MTSS1: variants seen among roughly 807,000 people sequenced by gnomAD.
The protein encoded by MTSS1 is protein MTSS 1.
A neutral mutation model predicts 79.0 loss-of-function variants in MTSS1; 18 were observed. The ratio of observed to expected loss-of-function variants is 0.23; its 90% CI spans 0.16 to 0.34. MTSS1 has a LOEUF of 0.34. MTSS1 is among the 10% of genes least tolerant of loss of function. MTSS1 has a pLI of 1.00. For missense variants in MTSS1, 815 were observed against 986.2 expected (o/e 0.83, Z 2.33); for synonymous variants, 341 against 368.6 (o/e 0.93, Z 0.86).
At chr8:124,624,587 CA>C (rs1164135926) in intron 3 of MTSS1, among the ~76,000 whole-genome samples, 2 of 152,168 alleles carry the variant, frequency 1.3e-5, no homozygotes, top group Non-Finnish European at 2.9e-5. Flanking sequence ...CAGGTACCTC[CA>C]CCTGGGAGTC....
intron 3 of MTSS1, among the ~76,000 whole-genome samples, chr8:124,688,805 G>A (rs1382383932): frequency 3.3e-5 from 5 of 152,060 alleles, no homozygotes; most frequent in African/African-American, 4.8e-5. Flanking sequence ...GGGAAATCAC[G>A]CAATAGAAAA....
At chr8:124,625,640 C>T (rs1355356802) in intron 3 of MTSS1, among the ~76,000 whole-genome samples, 1 of 152,194 alleles carries the variant, frequency 6.6e-6, no homozygotes, top group African/African-American at 2.4e-5. Context: ...GAGAGAAGGC[C>T]AGTTAAGGCA....
chr8:124,717,669 C>A (rs189306133), intron 1 of MTSS1, among the ~76,000 whole-genome samples: 7 of 152,278 alleles, frequency 4.6e-5, no homozygotes, highest in African/African-American at 1.4e-4. Flanking sequence ...ATACTCCGGT[C>A]TGGGGGACAG....
intron 5 of MTSS1, 55 bp from the exon 6 acceptor site, chr8:124,585,216 G>T: frequency 7.5e-7 from 1 of 1,324,772 alleles, no homozygotes; most frequent in Non-Finnish European, 1.1e-6. Flanking sequence ...CAGAAAATAT[G>T]TTAGGTAGGA....
intron 3 of MTSS1, among the ~76,000 whole-genome samples, chr8:124,630,155 C>T (rs1048182727): frequency 6.6e-6 from 1 of 152,224 alleles, no homozygotes. Context: ...CCTCTACCTC[C>T]CCTGGAAGAG....
chr8:124,679,294 G>A (rs956110700), intron 3 of MTSS1, among the ~76,000 whole-genome samples: 1 of 152,202 alleles, frequency 6.6e-6, no homozygotes, highest in African/African-American at 2.4e-5. Flanking sequence ...ACACTGTAGT[G>A]GCTGCTTAGC....
intron 4 of MTSS1, among the ~76,000 whole-genome samples, chr8:124,590,065 C>T (rs1831579170): frequency 1.3e-5 from 2 of 152,184 alleles, no homozygotes; most frequent in African/African-American, 4.8e-5. Context: ...CCATGTTGGC[C>T]AGGATGGTCT....
At chr8:124,560,989 T>G (rs1160738212) in intron 10 of MTSS1, among the ~76,000 whole-genome samples, 1 of 152,252 alleles carries the variant, frequency 6.6e-6, no homozygotes, top group East Asian at 1.9e-4. Context: ...GGGAGGTTAC[T>G]GCCTTCAGGA....
intron 3 of MTSS1, among the ~76,000 whole-genome samples, chr8:124,621,714 A>G (rs763319482): frequency 6.6e-6 from 1 of 151,976 alleles, no homozygotes; most frequent in Non-Finnish European, 1.5e-5. Flanking sequence ...ACACCTAGCT[A>G]GTTTTTGTAT....
At chr8:124,610,552 C>T (rs1835619815) in intron 3 of MTSS1, among the ~76,000 whole-genome samples, 1 of 152,194 alleles carries the variant, frequency 6.6e-6, no homozygotes. Flanking sequence ...CTAGGAGAAT[C>T]TAAAAGCTGC....
Position 124,553,107 on chromosome 8 carries a change from G to A in MTSS1, c.2153C>T (p.Ala718Val), listed in dbSNP as rs1466326708. The A allele has an allele frequency of 6.2e-6, 10 of 1,614,004 alleles. No individual in the cohort carries two copies. Among genetic ancestry groups the A allele is most frequent in the Non-Finnish European group, 8.5e-6 (10 of 1,180,022 alleles). ...SPGQIPESDP[A>V]DLSPRDTPQG... ...TGGAGTATCCCTTGGGCTCAGGTCT[G>A]CAGGGTCACTCTCTGGAATCTGGCC... is the stretch of plus-strand genomic sequence containing the variant. The change falls in exon 14 of 14, where the codon GCA becomes GTA. Residue 718 changes from alanine (A) to valine (V), a missense_variant. This residue lies in a region of MTSS1 where 590 missense variants were observed against 620.8 expected (regional missense o/e 0.95). Transcript: ENST00000518547. This position sits in a 1 kb window ranked among gnomAD's most constrained non-coding sequence, Gnocchi z 6.0.
chr8:124,571,580 T>C (rs1291384834), intron 6 of MTSS1, among the ~76,000 whole-genome samples: 1 of 152,032 alleles, frequency 6.6e-6, no homozygotes, highest in African/African-American at 2.4e-5. Flanking sequence ...TGTAGGATGG[T>C]GAACAGAAGT....
At chr8:124,599,225 G>A (rs1487827206) in intron 3 of MTSS1, among the ~76,000 whole-genome samples, 1 of 132,482 alleles carries the variant, frequency 7.5e-6, no homozygotes, top group Non-Finnish European at 1.5e-5. Flanking sequence ...GCTCACGCCT[G>A]TAATCCCCAA....
intron 3 of MTSS1, among the ~76,000 whole-genome samples, chr8:124,639,252 C>T (rs182063707): frequency 7.9e-5 from 12 of 152,214 alleles, no homozygotes; most frequent in African/African-American, 2.4e-4. Context: ...GCAGGAGAAT[C>T]GCTTGAACCC....
intron 3 of MTSS1, among the ~76,000 whole-genome samples, chr8:124,616,550 T>A (rs1409312001): frequency 2.0e-5 from 3 of 152,086 alleles, no homozygotes; most frequent in Non-Finnish European, 4.4e-5. Flanking sequence ...AGTCCAGGTC[T>A]CACCAGAGAG....
At chr8:124,717,192 T>C (rs1372709304) in intron 1 of MTSS1, among the ~76,000 whole-genome samples, 1 of 152,074 alleles carries the variant, frequency 6.6e-6, no homozygotes, top group Non-Finnish European at 1.5e-5. Context: ...CTAACCACTC[T>C]ACTTAAAAAC....
chr8:124,645,357 G>A (rs1818816950), intron 3 of MTSS1, among the ~76,000 whole-genome samples: 1 of 152,164 alleles, frequency 6.6e-6, no homozygotes, highest in African/African-American at 2.4e-5. Context: ...ACTCATTCCA[G>A]CCTGGGCAAC....
At chr8:124,559,177 T>C (rs1194023947) in intron 10 of MTSS1, among the ~76,000 whole-genome samples, 1 of 152,182 alleles carries the variant, frequency 6.6e-6, no homozygotes, top group African/African-American at 2.4e-5. Context: ...GGTCATGGCA[T>C]TGGGACTTCG....
intron 13 of MTSS1, among the ~76,000 whole-genome samples, chr8:124,554,454 T>C (rs1298961795): frequency 2.0e-5 from 3 of 152,098 alleles, no homozygotes; most frequent in Admixed American, 1.3e-4. Context: ...TTGCCAGATG[T>C]CCCCTGGGGA....
Sources: gnomAD v4.1 joint callset for allele counts (sites outside exome capture counted in the v4.1 genomes callset) on GRCh38, gnomAD v4.1.1 for gene constraint, gnomAD v4.1.1 regional missense constraint, Gnocchi (gnomAD v3.1) non-coding constraint, MANE v1.5 for transcripts, NCBI Gene and HGNC (gene_info 2026-07-23, HGNC 2026-07-21) for gene names.